SCMH1: variants seen among roughly 807,000 people sequenced by gnomAD.
The protein encoded by SCMH1 is polycomb protein SCMH1.
In SCMH1, 37 loss-of-function variants were observed where a neutral mutation model predicts 70.8. The ratio of observed to expected loss-of-function variants is 0.52; its 90% CI spans 0.40 to 0.69. The LOEUF (loss-of-function observed/expected upper bound fraction) is 0.69. SCMH1 is among the 30% of genes least tolerant of loss of function. The pLI is 0.00. For missense variants in SCMH1, 607 were observed against 827.3 expected (o/e 0.73, Z 3.27); for synonymous variants, 292 against 307.4 (o/e 0.95, Z 0.52).
chr1:41,221,586 C>CAA (rs34767728), intron 1 of SCMH1, among the ~76,000 whole-genome samples: 2 of 138,426 alleles, frequency 1.4e-5, no homozygotes, highest in African/African-American at 2.8e-5. Flanking sequence ...ACGCTCATAG[C>CAA]AAAAAAAAAA....
intron 8 of SCMH1, among the ~76,000 whole-genome samples, chr1:41,087,169 G>A (rs1225716838): frequency 2.0e-5 from 3 of 152,002 alleles, no homozygotes; most frequent in Non-Finnish European, 4.4e-5. Context: ...ACAATGGATG[G>A]CCACTGGAAA....
intron 6 of SCMH1, among the ~76,000 whole-genome samples, chr1:41,118,417 A>C (rs1378671890): frequency 2.0e-5 from 3 of 152,180 alleles, no homozygotes; most frequent in Non-Finnish European, 4.4e-5. Flanking sequence ...GGGATCTAAT[A>C]ATCTCTTAAG....
intron 2 of SCMH1, among the ~76,000 whole-genome samples, chr1:41,184,316 CAAT>C (rs1248641875): frequency 6.6e-6 from 1 of 151,684 alleles, no homozygotes; most frequent in African/African-American, 2.4e-5. Context: ...ATGTAGGGCT[CAAT>C]AAGTTAAACT....
At chr1:41,107,202 T>C (rs1233906261) in intron 8 of SCMH1, among the ~76,000 whole-genome samples, 3 of 151,870 alleles carry the variant, frequency 2.0e-5, no homozygotes, top group Non-Finnish European at 4.4e-5. Context: ...ATGTTAGACA[T>C]GCTAGGCTCA....
intron 6 of SCMH1, among the ~76,000 whole-genome samples, chr1:41,129,409 C>T (rs213756): frequency 0.85 from 129,408 of 152,160 alleles, 55,533 homozygotes; most frequent in East Asian, 0.97. Flanking sequence ...TGTCTCTATA[C>T]ATTTGACTTC....
chr1:41,194,030 G>A (rs1283919956), intron 1 of SCMH1, among the ~76,000 whole-genome samples: 1 of 152,162 alleles, frequency 6.6e-6, no homozygotes, highest in Admixed American at 6.5e-5. Flanking sequence ...TTAAGACTTA[G>A]AGGCAAAAGA....
chr1:41,221,893 C>CAAAAAAA (rs34257855), intron 1 of SCMH1, among the ~76,000 whole-genome samples: 2 of 45,058 alleles, frequency 4.4e-5, no homozygotes, highest in East Asian at 9.5e-4. Context: ...GACTCCGTCT[C>CAAAAAAA]AAAAAAAAAA....
chr1:41,151,952 G>C (rs1249266073), intron 4 of SCMH1, among the ~76,000 whole-genome samples: 2 of 152,174 alleles, frequency 1.3e-5, no homozygotes, highest in African/African-American at 4.8e-5. Context: ...AAATGCCAAA[G>C]CAAGATATAC....
chr1:41,220,399 T>C (rs1029561483), intron 1 of SCMH1, among the ~76,000 whole-genome samples: 9 of 152,266 alleles, frequency 5.9e-5, no homozygotes, highest in African/African-American at 1.2e-4. Flanking sequence ...CTAAGCCCTA[T>C]AAATGACTGA....
chr1:41,183,367 C>A (rs1326949155), intron 2 of SCMH1, among the ~76,000 whole-genome samples: 1 of 152,180 alleles, frequency 6.6e-6, no homozygotes, highest in Admixed American at 6.5e-5. Context: ...AAGGATCAAT[C>A]CCTAAACTGT....
chr1:41,165,598 G>A (rs1436951937), intron 2 of SCMH1, among the ~76,000 whole-genome samples: 5 of 152,092 alleles, frequency 3.3e-5, no homozygotes, highest in African/African-American at 9.7e-5. Context: ...TGGCTATAGG[G>A]TATCTCACTG....
At position 41,142,859 on chromosome 1, in the gene SCMH1, T is replaced by C; in HGVS notation, c.412+19A>G. On this transcript the variant is annotated intron_variant, in intron 6 of 14. Coordinates refer to ENST00000337495, the Ensembl canonical transcript of SCMH1. ...ACTATTAATAATTGGCTAGAAAGAG[T>C]TTGGGTTTACTTACTCACCAAGAGG... The C allele has an allele frequency of 6.3e-7, 1 of 1,591,008 alleles. No homozygotes were observed. Among genetic ancestry groups the C allele is most frequent in the Non-Finnish European group, 8.6e-7 (1 of 1,159,176 alleles).
chr1:41,152,588 C>G, intron 4 of SCMH1: 1 of 1,614,016 alleles, frequency 6.2e-7, no homozygotes, highest in Non-Finnish European at 8.5e-7. Flanking sequence ...CAGTCTCCCC[C>G]TAATACCCAC....
intron 1 of SCMH1, among the ~76,000 whole-genome samples, chr1:41,230,582 C>T (rs1661114625): frequency 6.6e-6 from 1 of 151,550 alleles, no homozygotes; most frequent in Non-Finnish European, 1.5e-5. Flanking sequence ...CCCCTGAGCC[C>T]AGGAATTCAA....
chr1:41,086,424 A>T (rs1215125083), intron 8 of SCMH1, among the ~76,000 whole-genome samples: 2 of 152,170 alleles, frequency 1.3e-5, no homozygotes, highest in African/African-American at 2.4e-5. Context: ...AAAGACACAC[A>T]AGTAGACTTG....
chr1:41,082,878 T>C (rs1202099075), intron 8 of SCMH1, among the ~76,000 whole-genome samples: 1 of 152,182 alleles, frequency 6.6e-6, no homozygotes, highest in African/African-American at 2.4e-5. Flanking sequence ...AAAAACCACA[T>C]GATTATCTCA....
intron 4 of SCMH1, among the ~76,000 whole-genome samples, chr1:41,159,136 A>G (rs1282381396): frequency 6.6e-6 from 1 of 152,154 alleles, no homozygotes; most frequent in African/African-American, 2.4e-5. Flanking sequence ...AGATCTACTG[A>G]ATTTTATTTC....
chr1:41,175,992 T>C (rs1289798123), intron 2 of SCMH1, among the ~76,000 whole-genome samples: 1 of 151,240 alleles, frequency 6.6e-6, no homozygotes, highest in Non-Finnish European at 1.5e-5. Flanking sequence ...TATATACTAG[T>C]TTTTAGTATT....
chr1:41,178,347 C>T (rs967791301), intron 2 of SCMH1, among the ~76,000 whole-genome samples: 1 of 152,222 alleles, frequency 6.6e-6, no homozygotes, highest in Non-Finnish European at 1.5e-5. Context: ...GCAAAATAAC[C>T]AGCTAACATC....
Sources: gnomAD v4.1 joint callset for allele counts (sites outside exome capture counted in the v4.1 genomes callset) on GRCh38, gnomAD v4.1.1 for gene constraint, MANE v1.5 for transcripts, NCBI Gene and HGNC (gene_info 2026-07-23, HGNC 2026-07-21) for gene names.